EEA1: variants seen among roughly 807,000 people sequenced by gnomAD.
EEA1 encodes early endosome antigen 1.
In EEA1, 111 loss-of-function variants were observed where a neutral mutation model predicts 209.2. The ratio of observed to expected loss-of-function variants is 0.53; its 90% CI spans 0.45 to 0.62. The LOEUF is 0.62. EEA1 is among the 20% of genes least tolerant of loss of function. The pLI, the probability that EEA1 is intolerant of heterozygous loss-of-function variation, is 0.00. For synonymous variants in EEA1, 536 were observed against 540.6 expected (o/e 0.99, Z 0.12); for missense variants, 1,343 against 1,530.8 (o/e 0.88, Z 2.05).
In EEA1 at chr12:92,887,745, A is replaced by G. The variant is rs867625303; in HGVS notation, c.117+3884T>C. Among the ~76,000 whole-genome samples the G allele has an allele frequency of 4.6e-5, 7 of 152,242 alleles. No homozygotes were observed. In the South Asian group the frequency reaches 1.0e-3, roughly 23 times the overall value. On this transcript the variant is annotated intron_variant, in intron 2 of 28. Transcript: ENST00000322349. ...CCCCAACTTAGAATAGTTTGACTTA[A>G]AATTTTTGACTTTATGACTGATTTA... is the stretch of plus-strand genomic sequence containing the variant.
chr12:92,829,232 G>A (rs546360933), intron 11 of EEA1, among the ~76,000 whole-genome samples: 3 of 152,020 alleles, frequency 2.0e-5, no homozygotes, highest in African/African-American at 7.2e-5. Flanking sequence ...GCTTGAACCC[G>A]GGCGGCAGAG....
chr12:92,866,048 C>T (rs945354136), intron 2 of EEA1, among the ~76,000 whole-genome samples: 10 of 151,268 alleles, frequency 6.6e-5, no homozygotes, highest in Admixed American at 1.3e-4. Flanking sequence ...CATGCCCAGC[C>T]GGGTGTGGTG....
chr12:92,911,869 G>A (rs1880595621), intron 1 of EEA1, among the ~76,000 whole-genome samples: 1 of 152,140 alleles, frequency 6.6e-6, no homozygotes, highest in South Asian at 2.1e-4. Flanking sequence ...AGAAAACTAA[G>A]AAAACCTCAG....
chr12:92,790,659 A>C (rs1874360506), intron 21 of EEA1, among the ~76,000 whole-genome samples: 1 of 152,240 alleles, frequency 6.6e-6, no homozygotes, highest in South Asian at 2.1e-4. Flanking sequence ...GGTGTACCTG[A>C]AGGTGATGGG....
intron 13 of EEA1, among the ~76,000 whole-genome samples, chr12:92,821,353 C>G (rs1876043763): frequency 6.6e-6 from 1 of 152,124 alleles, no homozygotes; most frequent in African/African-American, 2.4e-5. Flanking sequence ...TTCCTTCTAA[C>G]GTATTCAGCA....
At chr12:92,873,251 C>T (rs1020758852) in intron 2 of EEA1, among the ~76,000 whole-genome samples, 1 of 152,004 alleles carries the variant, frequency 6.6e-6, no homozygotes, top group African/African-American at 2.4e-5. Context: ...ATTGTAAGTG[C>T]TCAACGAATA....
chr12:92,789,554 G>A (rs976905713), intron 21 of EEA1, among the ~76,000 whole-genome samples: 58 of 151,936 alleles, frequency 3.8e-4, no homozygotes, highest in African/African-American at 1.4e-3. Context: ...TGTTACTTCT[G>A]AGCCTGGCTC....
Position 92,866,242 on chromosome 12 carries a change from A to C in EEA1, c.118-1255T>G, listed in dbSNP as rs974291572. Among the ~76,000 whole-genome samples the C allele has an allele frequency of 2.0e-5, 3 of 151,934 alleles. No homozygotes were observed. In the South Asian group the frequency reaches 6.2e-4, roughly 32 times the overall value. ...AATATTTGTAGTCATTCATTAAATC[A>C]AAGATTTTTTTAAAATAGTAATTAG... On this transcript the variant is annotated intron_variant, in intron 2 of 28. Transcript: ENST00000322349.
intron 13 of EEA1, among the ~76,000 whole-genome samples, chr12:92,824,721 C>T (rs1287169504): frequency 1.3e-5 from 2 of 152,188 alleles, no homozygotes; most frequent in Non-Finnish European, 2.9e-5. Context: ...ACTTCCAACT[C>T]CCCATCCCTC....
intron 19 of EEA1, 109 bp downstream of exon 19, chr12:92,802,295 A>T: frequency 9.8e-7 from 1 of 1,017,986 alleles, no homozygotes; most frequent in Non-Finnish European, 1.4e-6. Flanking sequence ...AACTACTTTA[A>T]ACTATTTAAA....
intron 16 of EEA1, among the ~76,000 whole-genome samples, chr12:92,812,192 G>A (rs958531341): frequency 3.9e-5 from 6 of 151,982 alleles, no homozygotes; most frequent in Admixed American, 1.3e-4. Flanking sequence ...AGCCAGGCAC[G>A]GTGGCACATG....
rs574968702 is a variant in EEA1 at position 92,780,424 on chromosome 12, G to C, written c.3337-13C>G. On this transcript the variant is annotated splice_polypyrimidine_tract_variant and intron_variant, in intron 23 of 28. Coordinates refer to ENST00000322349, the MANE Select transcript of EEA1 (RefSeq NM_003566.4). ...TTTCTTTCAGTGACTGTAGAAAAAT[G>C]ATATATTTTAAAATTATTTTAAAGC... is the stretch of plus-strand genomic sequence containing the variant. 2.7e-6 allele frequency: 4 copies of C among 1,456,638 alleles called. No homozygotes were observed. In the African/African-American group the frequency reaches 5.9e-5, roughly 21 times the overall value. 90.2% of individuals were successfully genotyped at this position (1,456,638 alleles called of 1,614,324 possible).
chr12:92,832,273 G>T (rs1368299944), intron 11 of EEA1, among the ~76,000 whole-genome samples: 1 of 151,950 alleles, frequency 6.6e-6, no homozygotes, highest in Non-Finnish European at 1.5e-5. Context: ...GCAATTTATA[G>T]TATCAATTCA....
chr12:92,830,941 G>C (rs570872470), intron 11 of EEA1, among the ~76,000 whole-genome samples: 15 of 152,180 alleles, frequency 9.9e-5, no homozygotes, highest in Non-Finnish European at 2.1e-4. Flanking sequence ...AGTGAGACAA[G>C]GAGGACAGGG....
At chr12:92,819,939 T>C (rs1025674825) in intron 13 of EEA1, among the ~76,000 whole-genome samples, 7 of 152,156 alleles carry the variant, frequency 4.6e-5, no homozygotes, top group Admixed American at 6.6e-5. Context: ...TGTTCAAACA[T>C]CACCTTCTTA....
Position 92,909,126 on chromosome 12 carries a change from A to C in EEA1, c.25-17405T>G, listed in dbSNP as rs548166922. Among the ~76,000 whole-genome samples, 6 of 152,264 alleles carry C rather than the reference A, an allele frequency of 3.9e-5. No homozygotes were observed. The South Asian group carries it at 1.2e-3, about 32-fold the overall frequency. On this transcript the variant is annotated intron_variant, in intron 1 of 28. Coordinates refer to ENST00000322349, the MANE Select transcript of EEA1 (RefSeq NM_003566.4). ...CGCCCAGCCCTGTTTCTTAACAATAATTCTTATCATTCAAAAGCTTAAAAG... is the reference window on the plus strand; with the variant it reads ...CGCCCAGCCCTGTTTCTTAACAATACTTCTTATCATTCAAAAGCTTAAAAG...
At chr12:92,849,020 C>T (rs931318313) in intron 9 of EEA1, among the ~76,000 whole-genome samples, 6 of 151,980 alleles carry the variant, frequency 3.9e-5, no homozygotes, top group Non-Finnish European at 7.4e-5. Flanking sequence ...CCATACTCAG[C>T]CTGTATTTTT....
At chr12:92,777,508 A>C (rs758223673) in intron 27 of EEA1, 35 bp downstream of exon 27, 1 of 1,570,412 alleles carries the variant, frequency 6.4e-7, no homozygotes, top group Non-Finnish European at 8.6e-7. Context: ...CCAATTCTAG[A>C]CTAAAAAACT....
intron 3 of EEA1, chr12:92,858,762 C>T: frequency 1.3e-6 from 1 of 767,740 alleles, no homozygotes; most frequent in East Asian, 2.9e-5. Context: ...AGGAGAAAGT[C>T]ATCAAAGCCA....
Sources: gnomAD v4.1 joint callset for allele counts (sites outside exome capture counted in the v4.1 genomes callset) on GRCh38, gnomAD v4.1.1 for gene constraint, MANE v1.5 for transcripts, NCBI Gene and HGNC (gene_info 2026-07-23, HGNC 2026-07-21) for gene names.